CPAMD8: variants seen among roughly 807,000 people sequenced by gnomAD.
CPAMD8 encodes the protein C3 and PZP like alpha-2-macroglobulin domain containing 8, also known as C3 and PZP-like alpha-2-macroglobulin domain-containing protein 8.
CPAMD8 carries 146 observed loss-of-function variants against 224.7 expected under a neutral mutation model. The observed-to-expected ratio is 0.65, with a 90% CI of 0.57 to 0.75. The LOEUF is 0.75. Ranked by LOEUF, CPAMD8 falls within the 30% of genes least tolerant of loss-of-function variation. CPAMD8 has a pLI of 0.00. For synonymous variants in CPAMD8, 966 were observed against 1,044.6 expected (o/e 0.92, Z 1.45); for missense variants, 2,301 against 2,537.5 (o/e 0.91, Z 2.00).
chr19:16,943,145 A>C (rs2053961615), intron 22 of CPAMD8, among the ~76,000 whole-genome samples: 1 of 149,636 alleles, frequency 6.7e-6, no homozygotes, highest in South Asian at 2.1e-4. Context: ...CCTCCTGAGG[A>C]GCTGGGACTA....
intron 13 of CPAMD8, among the ~76,000 whole-genome samples, chr19:16,986,722 TA>T (rs2055734045): frequency 6.6e-6 from 1 of 151,930 alleles, no homozygotes; most frequent in Admixed American, 6.6e-5. Flanking sequence ...TGGTTTCCAT[TA>T]GGGGTGACAT....
chr19:17,016,711 G>A (rs1359558888), intron 3 of CPAMD8, among the ~76,000 whole-genome samples: 2 of 152,110 alleles, frequency 1.3e-5, no homozygotes, highest in East Asian at 3.9e-4. Flanking sequence ...AGTGAGCTGA[G>A]ATCGTGCCAC....
intron 17 of CPAMD8, among the ~76,000 whole-genome samples, chr19:16,974,250 G>C (rs1415690456): frequency 3.3e-5 from 5 of 151,930 alleles, no homozygotes; most frequent in Non-Finnish European, 7.4e-5. Context: ...TCCTGCCTCA[G>C]CCTCCCGAGT....
intron 41 of CPAMD8, chr19:16,894,467 G>A: frequency 4.4e-6 from 2 of 456,644 alleles, no homozygotes; most frequent in South Asian, 3.1e-5. Flanking sequence ...GATTCCTATG[G>A]GGCCGCCAGG....
intron 27 of CPAMD8, among the ~76,000 whole-genome samples, chr19:16,920,024 G>A (rs1014290840): frequency 6.6e-6 from 1 of 152,204 alleles, no homozygotes; most frequent in African/African-American, 2.4e-5. Flanking sequence ...CAGAGCTGAG[G>A]TTTGTCCAGC....
intron 18 of CPAMD8, among the ~76,000 whole-genome samples, chr19:16,968,707 C>T (rs1425539858): frequency 6.6e-6 from 1 of 152,108 alleles, no homozygotes. Flanking sequence ...GGCACAATCA[C>T]AGCTCACTGC....
chr19:16,948,179 G>C (rs1015918733), intron 20 of CPAMD8, among the ~76,000 whole-genome samples: 1 of 152,156 alleles, frequency 6.6e-6, no homozygotes, highest in Non-Finnish European at 1.5e-5. Context: ...AGCATATATG[G>C]AGCACCTACT....
At chr19:16,931,389 A>C (rs936539588) in intron 23 of CPAMD8, among the ~76,000 whole-genome samples, 1 of 152,106 alleles carries the variant, frequency 6.6e-6, no homozygotes. Context: ...GTGTGCCACT[A>C]ACACCACAGC....
At chr19:16,989,586 T>C (rs1416715480) in intron 13 of CPAMD8, 57 bp downstream of exon 13, 1 of 1,583,372 alleles carries the variant, frequency 6.3e-7, no homozygotes, top group Non-Finnish European at 8.6e-7. Context: ...AGCACCTGGC[T>C]CATGCTGCTT....
intron 32 of CPAMD8, 50 bp downstream of exon 32, chr19:16,904,176 A>ACGCGC: frequency 1.1e-6 from 1 of 937,338 alleles, no homozygotes; most frequent in Non-Finnish European, 1.7e-6. Context: ...GACTGCAGGG[A>ACGCGC]CCCCACCCAC....
chr19:16,895,602 T>G, intron 41 of CPAMD8: 1 of 318,750 alleles, frequency 3.1e-6, no homozygotes. Context: ...ATGGTTGAGA[T>G]TACACAAATC....
At position 16,989,632 on chromosome 19, in the gene CPAMD8, G is replaced by GA. The variant is rs1293413609; in HGVS notation, c.1395+10dup. The stretch of plus-strand genomic sequence containing the variant: ...GCATGGCCCAGGAAGGGTAGCTCCT[G>GA]AAAATCTTACCTGCAGTGGGTGGGA... On this transcript the variant is annotated intron_variant, in intron 13 of 41. Coordinates refer to ENST00000443236, the MANE Select transcript of CPAMD8 (RefSeq NM_015692.5). 6.2e-7 allele frequency: 1 copy of GA among 1,612,476 alleles called. No homozygotes were observed. The highest frequency in any genetic ancestry group is 1.7e-5 in the Admixed American group (1 of 59,832).
intron 11 of CPAMD8, among the ~76,000 whole-genome samples, chr19:16,995,292 C>A (rs2056087838): frequency 6.6e-6 from 1 of 152,228 alleles, no homozygotes; most frequent in African/African-American, 2.4e-5. Flanking sequence ...GATGCAGGGC[C>A]AGGGATGTGG....
intron 27 of CPAMD8, among the ~76,000 whole-genome samples, chr19:16,915,580 G>A (rs971489833): frequency 1.3e-5 from 2 of 152,308 alleles, no homozygotes; most frequent in African/African-American, 2.4e-5. Flanking sequence ...CCCTTGCCCT[G>A]CTTTTGCAGG....
In CPAMD8 at chr19:16,897,821, G is replaced by A; in HGVS notation, c.4955-20C>T. 1 of 1,573,960 alleles carries A rather than the reference G, an allele frequency of 6.4e-7. No homozygotes were observed. The highest frequency in any genetic ancestry group is 8.6e-7 in the Non-Finnish European group (1 of 1,157,272). On this transcript the variant is annotated intron_variant, in intron 38 of 41. Transcript: ENST00000443236. Reference sequence around the variant, plus strand: ...CGAAGGCTACGGGACGAGGGTGGCGGGTGACCAAGTGCAGGCGCGACGGGT... The same window carrying A: ...CGAAGGCTACGGGACGAGGGTGGCGAGTGACCAAGTGCAGGCGCGACGGGT...
Position 16,899,228 on chromosome 19 carries a change from T to A in CPAMD8, c.4848+247A>T, listed in dbSNP as rs563581111. On this transcript the variant is annotated intron_variant, in intron 37 of 41. Coordinates refer to ENST00000443236, the MANE Select transcript of CPAMD8 (RefSeq NM_015692.5). This position sits in a 1 kb window ranked among gnomAD's most constrained non-coding sequence, Gnocchi z 5.4. Reference sequence around the variant, plus strand: ...AAGCCAAAGGGCCTGGGCACTTTTTTATATTTTTTGTAAAGATGGGGTCTC... The same window carrying A: ...AAGCCAAAGGGCCTGGGCACTTTTTAATATTTTTTGTAAAGATGGGGTCTC... Among the ~76,000 whole-genome samples, 2 of 152,272 alleles carry A rather than the reference T, an allele frequency of 1.3e-5. No individual in the cohort carries two copies. Among genetic ancestry groups the A allele is most frequent in the Admixed American group, 1.3e-4 (2 of 15,302 alleles).
chr19:16,973,587 G>A (rs1276694897), intron 17 of CPAMD8, among the ~76,000 whole-genome samples: 1 of 151,930 alleles, frequency 6.6e-6, no homozygotes, highest in Admixed American at 6.6e-5. Flanking sequence ...GACTTCAGGT[G>A]ATCCACGTGT....
At chr19:16,920,909 G>A (rs556251955) in intron 27 of CPAMD8, among the ~76,000 whole-genome samples, 16 of 151,438 alleles carry the variant, frequency 1.1e-4, no homozygotes, top group Non-Finnish European at 1.9e-4. Context: ...TGCTAATCCT[G>A]GCTGGTGGAG....
intron 13 of CPAMD8, among the ~76,000 whole-genome samples, chr19:16,987,202 A>ATATATATATATATATAT (rs1568566637): frequency 7.7e-6 from 1 of 129,094 alleles, no homozygotes; most frequent in African/African-American, 2.9e-5. Flanking sequence ...ATATATATAT[A>ATATATATATATATATAT]TATATATGTA....
Sources: allele counts gnomAD v4.1 joint callset (sites outside exome capture counted in the v4.1 genomes callset), GRCh38; gene constraint gnomAD v4.1.1; non-coding constraint Gnocchi (gnomAD v3.1); transcripts MANE v1.5; gene names NCBI Gene and HGNC (gene_info 2026-07-23, HGNC 2026-07-21).